The following CREB5 variants were observed in gnomAD, a reference collection of about 807,000 sequenced individuals.
The protein encoded by CREB5 is cAMP responsive element binding protein 5.
Under a neutral mutation model 57.1 loss-of-function variants are expected in CREB5, and 19 were observed. The observed-to-expected ratio is 0.33, with a 90% CI of 0.23 to 0.49. CREB5 has a LOEUF of 0.49. CREB5 is among the 20% of genes least tolerant of loss of function. CREB5 has a pLI of 0.99. For synonymous variants in CREB5, 238 were observed against 238.3 expected, an observed-to-expected ratio of 1.00 and a Z score of 0.01; for missense variants, 579 against 671.6, an observed-to-expected ratio of 0.86 and a Z score of 1.52.
At chr7:28,573,083 C>G (rs935893963) in intron 5 of CREB5, among the ~76,000 whole-genome samples, 1 of 152,134 alleles carries the variant, frequency 6.6e-6, no homozygotes, top group African/African-American at 2.4e-5. Context: ...GGAGACTCAG[C>G]AAGAAATAAC....
intron 1 of CREB5, among the ~76,000 whole-genome samples, chr7:28,317,458 G>C (rs1785404616): frequency 6.6e-6 from 1 of 152,200 alleles, no homozygotes; most frequent in African/African-American, 2.4e-5. Context: ...TAATAGCCTT[G>C]ACTTCCTCAT....
At chr7:28,762,509 G>A (rs891461306) in intron 7 of CREB5, among the ~76,000 whole-genome samples, 2 of 152,138 alleles carry the variant, frequency 1.3e-5, no homozygotes. Flanking sequence ...CTAATTCTAT[G>A]AAATTTAGAG....
At chr7:28,515,652 C>T (rs751447863) in intron 4 of CREB5, among the ~76,000 whole-genome samples, 4 of 152,132 alleles carry the variant, frequency 2.6e-5, no homozygotes, top group Non-Finnish European at 4.4e-5. Flanking sequence ...TACCCTCTTT[C>T]GTTCCACTCC....
chr7:28,784,275 G>T (rs1176015699), intron 7 of CREB5, among the ~76,000 whole-genome samples: 11 of 152,170 alleles, frequency 7.2e-5, no homozygotes, highest in Non-Finnish European at 5.9e-5. Context: ...GAATCCTTTG[G>T]CTTCTCACTG....
chr7:28,497,717 T>A (rs1442710545), intron 3 of CREB5, among the ~76,000 whole-genome samples: 23 of 152,220 alleles, frequency 1.5e-4, no homozygotes, highest in Admixed American at 1.5e-3. Context: ...ACCAACATTG[T>A]CCATCCTGAA....
intron 7 of CREB5, among the ~76,000 whole-genome samples, chr7:28,762,513 TTTAGAGCAAA>T (rs1805718751): frequency 6.6e-6 from 1 of 152,166 alleles, no homozygotes; most frequent in Non-Finnish European, 1.5e-5. Flanking sequence ...TTCTATGAAA[TTTAGAGCAAA>T]ATAATGCTGT....
At chr7:28,773,532 CAT>C in intron 7 of CREB5, among the ~76,000 whole-genome samples, 1 of 148,900 alleles carries the variant, frequency 6.7e-6, no homozygotes. Flanking sequence ...GTGAGTCAGT[CAT>C]ATGATGTCTG....
chr7:28,425,298 G>C (rs951902671), intron 1 of CREB5, among the ~76,000 whole-genome samples: 6 of 151,844 alleles, frequency 4.0e-5, no homozygotes, highest in African/African-American at 1.5e-4. Flanking sequence ...ACTATAACAT[G>C]AATGAACCTT....
At chr7:28,394,626 C>T (rs1207623856) in intron 1 of CREB5, among the ~76,000 whole-genome samples, 4 of 152,120 alleles carry the variant, frequency 2.6e-5, no homozygotes, top group Admixed American at 6.5e-5. Flanking sequence ...GCTTTTTCCT[C>T]ATATATAATT....
intron 5 of CREB5, among the ~76,000 whole-genome samples, chr7:28,702,537 GT>G (rs1469395548): frequency 6.6e-6 from 1 of 152,180 alleles, no homozygotes; most frequent in African/African-American, 2.4e-5. Context: ...ATGTTATGAT[GT>G]TCTCCTTTCT....
intron 1 of CREB5, among the ~76,000 whole-genome samples, chr7:28,325,009 T>C (rs75423614): frequency 0.029 from 4,437 of 152,344 alleles, 132 homozygotes; most frequent in Admixed American, 0.078. Context: ...ATCCCTAAAC[T>C]GCCCACTTCT....
chr7:28,607,957 C>T (rs370093546), intron 5 of CREB5, among the ~76,000 whole-genome samples: 2 of 152,044 alleles, frequency 1.3e-5, no homozygotes, highest in East Asian at 3.9e-4. Flanking sequence ...AAACACTGAA[C>T]AGCGCCGTAC....
At chr7:28,408,979 C>A (rs1306184949), upstream of CREB5, among the ~76,000 whole-genome samples, 2 of 152,054 alleles carry the variant, frequency 1.3e-5, no homozygotes, top group Non-Finnish European at 2.9e-5. Context: ...ATCCCTACAC[C>A]TTTCAAACCC....
At chr7:28,778,716 A>G (rs1305624366) in intron 7 of CREB5, among the ~76,000 whole-genome samples, 1 of 152,218 alleles carries the variant, frequency 6.6e-6, no homozygotes, top group African/African-American at 2.4e-5. Flanking sequence ...AAAGATCACT[A>G]TTATAATTAA....
chr7:28,572,731 G>C (rs1562805173), intron 5 of CREB5, among the ~76,000 whole-genome samples: 3 of 152,138 alleles, frequency 2.0e-5, no homozygotes, highest in Non-Finnish European at 2.9e-5. Flanking sequence ...GATGAGTGCT[G>C]ACTCTGTTGA....
At chr7:28,474,432 A>G (rs1448857453) in intron 1 of CREB5, among the ~76,000 whole-genome samples, 4 of 152,148 alleles carry the variant, frequency 2.6e-5, no homozygotes, top group African/African-American at 9.7e-5. Flanking sequence ...TGCCCAGAAA[A>G]ATAACATGTT....
chr7:28,464,772 G>C (rs1025359507), intron 1 of CREB5, among the ~76,000 whole-genome samples: 1 of 151,404 alleles, frequency 6.6e-6, no homozygotes, highest in South Asian at 2.1e-4. Context: ...CCTGAATGAC[G>C]CAGTTATGCA....
chr7:28,507,542 T>G (rs1366749887), intron 3 of CREB5, 74 bp from the exon 4 acceptor site: 1 of 1,520,678 alleles, frequency 6.6e-7, no homozygotes, highest in Non-Finnish European at 8.9e-7. Context: ...AGGGGATTAG[T>G]GAATCTAGCT....
rs1795133321 is a variant in CREB5 at position 28,560,879 on chromosome 7, C to CGTGCGTGCACGTGCGTGT, written c.292-9478_292-9477insACGTGCGTGTGTGCGTGC. 7.0e-3 allele frequency among the ~76,000 whole-genome samples: 154 copies of CGTGCGTGCACGTGCGTGT among 22,050 alleles called. 24 individuals carry two copies. The highest frequency in any genetic ancestry group is 0.018 in the African/African-American group (145 of 7,980). 14.5% of individuals were successfully genotyped at this position (22,050 alleles called of 152,430 possible). ...GTGTGCGTGTGCCTGCGTGCGCGTG[C>CGTGCGTGCACGTGCGTGT]GTGCGTGCGTGTGTGTGCGTGCGCG... On this transcript the variant is annotated intron_variant, in intron 4 of 10. Transcript: ENST00000357727.
Sources: gnomAD v4.1 joint callset for allele counts (sites outside exome capture counted in the v4.1 genomes callset) on GRCh38, gnomAD v4.1.1 for gene constraint, MANE v1.5 for transcripts, NCBI Gene and HGNC (gene_info 2026-07-23, HGNC 2026-07-21) for gene names.